The following BNC2 variants were observed in gnomAD, a reference collection of about 807,000 sequenced individuals.
BNC2 encodes the protein zinc finger protein basonuclin-2.
BNC2 carries 20 observed loss-of-function variants against 76.3 expected under a neutral mutation model. The ratio of observed to expected loss-of-function variants is 0.26; its 90% CI spans 0.18 to 0.38. The LOEUF (loss-of-function observed/expected upper bound fraction) is 0.38. Ranked by LOEUF, BNC2 falls within the 10% of genes least tolerant of loss-of-function variation. BNC2 has a pLI of 1.00. For missense variants in BNC2, 1,382 were observed against 1,399.8 expected (o/e 0.99, Z 0.20); for synonymous variants, 582 against 514.8 (o/e 1.13, Z -1.77).
intron 4 of BNC2, among the ~76,000 whole-genome samples, chr9:16,560,925 G>A (rs944320883): frequency 2.0e-5 from 3 of 152,188 alleles, no homozygotes; most frequent in Non-Finnish European, 4.4e-5. Flanking sequence ...AAGTTCAGAA[G>A]TAAGAGGGTT....
At chr9:16,642,982 T>C (rs935659314) in intron 3 of BNC2, among the ~76,000 whole-genome samples, 1 of 152,102 alleles carries the variant, frequency 6.6e-6, no homozygotes, top group Admixed American at 6.6e-5. Context: ...TGAGTATACT[T>C]AATTAAGAAA....
chr9:16,509,435 A>C (rs1822703792), intron 5 of BNC2, among the ~76,000 whole-genome samples: 1 of 152,188 alleles, frequency 6.6e-6, no homozygotes, highest in Admixed American at 6.6e-5. Context: ...TGCACACATA[A>C]GTTACTCAGC....
chr9:16,631,417 T>G (rs1330390442), intron 3 of BNC2, among the ~76,000 whole-genome samples: 1 of 152,144 alleles, frequency 6.6e-6, no homozygotes, highest in African/African-American at 2.4e-5. Context: ...ACTGGAGTAG[T>G]ATATAACACC....
In BNC2 at chr9:16,552,589, G is replaced by A; in HGVS notation, c.610C>T (p.His204Tyr). ...GTCCAGCCAAGGCCGTGCAGTATGT[G>A]CAGTACCTCCTCTTGCTTCAGGACG... ...FSVLKQEEVL[H>Y]ILHGLGWTLR... is the part of the protein sequence containing the mutation. The change falls in exon 5 of 7, where the codon CAC (histidine) becomes TAC (tyrosine). Residue 204 changes from histidine (H) to tyrosine (Y), a missense_variant. Physicochemically the swap from His to Tyr is moderately conservative, Grantham distance 83. Transcript: ENST00000380672. 1 of 1,614,232 alleles carries A rather than the reference G, an allele frequency of 6.2e-7. No individual in the cohort carries two copies. Among genetic ancestry groups the A allele is most frequent in the Non-Finnish European group, 8.5e-7 (1 of 1,180,042 alleles).
chr9:16,773,763 A>G (rs1039191873), intron 1 of BNC2, among the ~76,000 whole-genome samples: 1 of 152,134 alleles, frequency 6.6e-6, no homozygotes, highest in Non-Finnish European at 1.5e-5. Context: ...GTGTTGCTGT[A>G]GCCTCACCTT....
intron 4 of BNC2, among the ~76,000 whole-genome samples, chr9:16,556,057 T>C (rs949315671): frequency 6.6e-6 from 1 of 151,972 alleles, no homozygotes; most frequent in African/African-American, 2.4e-5. Flanking sequence ...CCCAGCGCTG[T>C]GGGAGGCCAA....
chr9:16,481,100 G>A (rs948739892), intron 5 of BNC2, among the ~76,000 whole-genome samples: 1 of 152,260 alleles, frequency 6.6e-6, no homozygotes, highest in African/African-American at 2.4e-5. Context: ...CTCAGGGTTT[G>A]GGCTCTGGTG....
chr9:16,462,129 C>T (rs1363271934), intron 5 of BNC2, among the ~76,000 whole-genome samples: 1 of 152,150 alleles, frequency 6.6e-6, no homozygotes, highest in Non-Finnish European at 1.5e-5. Context: ...CAGCCACTCT[C>T]TCAGAAATCC....
intron 1 of BNC2, among the ~76,000 whole-genome samples, chr9:16,858,714 C>T (rs1349348032): frequency 7.5e-6 from 1 of 133,972 alleles, no homozygotes; most frequent in African/African-American, 2.4e-5. Context: ...GGCATGGTGG[C>T]GGGTGCCTGT....
chr9:16,476,560 G>GT (rs34107754), intron 5 of BNC2, among the ~76,000 whole-genome samples: 10 of 143,754 alleles, frequency 7.0e-5, no homozygotes, highest in South Asian at 2.3e-4. Flanking sequence ...TGTGTGTGTT[G>GT]TTTTTTTTAA....
At chr9:16,562,449 T>G (rs1369622811) in intron 4 of BNC2, among the ~76,000 whole-genome samples, 1 of 152,176 alleles carries the variant, frequency 6.6e-6, no homozygotes, top group African/African-American at 2.4e-5. Context: ...GAATAAAAGG[T>G]GTGGATAGAA....
chr9:16,563,181 T>C (rs1377460313), intron 4 of BNC2, among the ~76,000 whole-genome samples: 1 of 152,202 alleles, frequency 6.6e-6, no homozygotes, highest in Admixed American at 6.5e-5. Flanking sequence ...GATAGCTAAG[T>C]CTGCAACAGT....
intron 5 of BNC2, among the ~76,000 whole-genome samples, chr9:16,548,161 G>C (rs967269432): frequency 2.0e-5 from 3 of 152,178 alleles, no homozygotes; most frequent in African/African-American, 7.2e-5. Flanking sequence ...GATTTCCACA[G>C]ACAGGCTGGT....
At chr9:16,666,181 A>G (rs1038260029) in intron 3 of BNC2, among the ~76,000 whole-genome samples, 1 of 151,536 alleles carries the variant, frequency 6.6e-6, no homozygotes, top group Non-Finnish European at 1.5e-5. Context: ...CATAAAATAC[A>G]TTTTTTTTTC....
intron 1 of BNC2, among the ~76,000 whole-genome samples, chr9:16,746,818 C>T (rs916556391): frequency 1.3e-5 from 2 of 151,218 alleles, no homozygotes; most frequent in Non-Finnish European, 3.0e-5. Flanking sequence ...AAAAATTAGC[C>T]GGGCGTGGTG....
chr9:16,514,824 G>C (rs1164714496), intron 5 of BNC2, among the ~76,000 whole-genome samples: 2 of 152,218 alleles, frequency 1.3e-5, no homozygotes, highest in Non-Finnish European at 2.9e-5. Flanking sequence ...CACATGGAGA[G>C]AGAAATAAGT....
chr9:16,747,562 G>A (rs1053219704), intron 1 of BNC2, among the ~76,000 whole-genome samples: 2 of 152,168 alleles, frequency 1.3e-5, no homozygotes, highest in African/African-American at 4.8e-5. Flanking sequence ...GAAGCTAAGA[G>A]AGTTTAGTCA....
intron 1 of BNC2, among the ~76,000 whole-genome samples, chr9:16,789,038 G>T (rs949769395): frequency 1.4e-4 from 21 of 152,246 alleles, no homozygotes; most frequent in Admixed American, 9.1e-4. Flanking sequence ...AAATCTCACA[G>T]ATAATTCTGC....
chr9:16,728,527 C>G (rs995488405), intron 2 of BNC2, among the ~76,000 whole-genome samples: 1 of 152,010 alleles, frequency 6.6e-6, no homozygotes, highest in Non-Finnish European at 1.5e-5. Context: ...ATTTGTAAAA[C>G]TGTGATACTT....
Sources: gnomAD v4.1 joint callset for allele counts (sites outside exome capture counted in the v4.1 genomes callset) on GRCh38, gnomAD v4.1.1 for gene constraint, MANE v1.5 for transcripts, NCBI Gene and HGNC (gene_info 2026-07-23, HGNC 2026-07-21) for gene names.